Variants in PLCB1 observed in about 807,000 individuals in gnomAD.
PLCB1 encodes the protein phospholipase C beta 1.
In PLCB1, 46 loss-of-function variants were observed where a neutral mutation model predicts 161.8. That is an observed-to-expected ratio of 0.28 (90% CI 0.22 to 0.36). The LOEUF is 0.36. PLCB1 is among the 10% of genes least tolerant of loss of function. The probability of loss-of-function intolerance (pLI) is 1.00; values close to 1 mark genes in which losing one functional copy is unlikely to be tolerated. For missense variants in PLCB1, 1,016 were observed against 1,472.5 expected (o/e 0.69, Z 5.07); for synonymous variants, 517 against 503.7 (o/e 1.03, Z -0.35).
intron 26 of PLCB1, among the ~76,000 whole-genome samples, 194 bp from the exon 27 acceptor site, chr20:8,774,345 C>T (rs184329411): frequency 1.8e-3 from 267 of 152,328 alleles, no homozygotes; most frequent in Non-Finnish European, 2.7e-3. Context: ...ACCATGAATT[C>T]CATTCAGTCT....
intron 26 of PLCB1, among the ~76,000 whole-genome samples, chr20:8,773,036 C>T (rs769202879): frequency 2.6e-5 from 4 of 152,174 alleles, no homozygotes; most frequent in Non-Finnish European, 4.4e-5. Context: ...ATAGAATGTC[C>T]GTCCTCATTT....
intron 2 of PLCB1, among the ~76,000 whole-genome samples, chr20:8,334,745 A>G (rs1258273585): frequency 6.6e-6 from 1 of 152,154 alleles, no homozygotes; most frequent in East Asian, 1.9e-4. Context: ...AACAGGTCCA[A>G]ATTCTTTCTT....
At chr20:8,403,424 T>C (rs1371722784) in intron 3 of PLCB1, among the ~76,000 whole-genome samples, 1 of 152,112 alleles carries the variant, frequency 6.6e-6, no homozygotes, top group Non-Finnish European at 1.5e-5. Context: ...GTCCAAAGGC[T>C]GTAATACAAG....
At chr20:8,145,305 T>A (rs915174613) in intron 1 of PLCB1, among the ~76,000 whole-genome samples, 9 of 152,164 alleles carry the variant, frequency 5.9e-5, no homozygotes, top group African/African-American at 1.9e-4. Flanking sequence ...AGGACACCAG[T>A]CATACTGGAT....
chr20:8,789,464 A>G, intron 29 of PLCB1, 54 bp from the exon 30 acceptor site: 1 of 1,154,062 alleles, frequency 8.7e-7, no homozygotes, highest in Non-Finnish European at 1.3e-6. Context: ...TGAGATTACC[A>G]TTTGTCAATT....
intron 3 of PLCB1, among the ~76,000 whole-genome samples, chr20:8,390,842 C>T (rs1447658334): frequency 1.3e-5 from 2 of 151,950 alleles, no homozygotes; most frequent in Non-Finnish European, 2.9e-5. Context: ...ACACCAATAA[C>T]AAGCTGTATA....
Position 8,360,628 on chromosome 20 carries a change from G to A in PLCB1, c.178-10754G>A, listed in dbSNP as rs118039719. 4.9e-3 allele frequency among the ~76,000 whole-genome samples: 751 copies of A among 152,272 alleles called. 6 individuals are homozygous for A. The highest frequency in any genetic ancestry group is 0.011 in the South Asian group (52 of 4,826). On this transcript the variant is annotated intron_variant, in intron 2 of 31. Coordinates refer to ENST00000338037, the MANE Select transcript of PLCB1 (RefSeq NM_015192.4). ...TGTTCTTCTCAGGAAAATTCATTAA[G>A]CATGATGTTCCCTTTTAGACATATC... is the stretch of plus-strand genomic sequence containing the variant.
intron 2 of PLCB1, among the ~76,000 whole-genome samples, chr20:8,182,245 C>A (rs947519230): frequency 1.3e-5 from 2 of 152,164 alleles, no homozygotes; most frequent in African/African-American, 4.8e-5. Flanking sequence ...TATTCCCTTT[C>A]CTGTGGCATA....
chr20:8,723,162 G>C (rs1168944167), intron 15 of PLCB1, among the ~76,000 whole-genome samples: 2 of 152,136 alleles, frequency 1.3e-5, no homozygotes, highest in African/African-American at 4.8e-5. Context: ...CTTCCTCTTA[G>C]AATTATTTTT....
intron 19 of PLCB1, 35 bp from the exon 20 acceptor site, chr20:8,736,993 T>C (rs1158279681): frequency 1.3e-6 from 2 of 1,534,106 alleles, no homozygotes; most frequent in Admixed American, 1.7e-5. Context: ...CATATCAAAA[T>C]TCCTTATGGA....
At chr20:8,161,598 T>C in intron 2 of PLCB1, among the ~76,000 whole-genome samples, 1 of 152,158 alleles carries the variant, frequency 6.6e-6, no homozygotes, top group East Asian at 1.9e-4. Flanking sequence ...TTGGATTTGT[T>C]TGAAAAAGAA....
chr20:8,601,175 A>G (rs1206448560), intron 3 of PLCB1, among the ~76,000 whole-genome samples: 1 of 152,218 alleles, frequency 6.6e-6, no homozygotes, highest in Non-Finnish European at 1.5e-5. Flanking sequence ...AAGAGGCTAA[A>G]AATAACCTAA....
intron 3 of PLCB1, among the ~76,000 whole-genome samples, chr20:8,377,221 G>A (rs1367455129): frequency 6.6e-6 from 1 of 152,182 alleles, no homozygotes; most frequent in Non-Finnish European, 1.5e-5. Context: ...CAGAGCCATA[G>A]TGGGGAAAGG....
At chr20:8,500,413 C>T (rs1167442828) in intron 3 of PLCB1, among the ~76,000 whole-genome samples, 1 of 152,134 alleles carries the variant, frequency 6.6e-6, no homozygotes, top group Non-Finnish European at 1.5e-5. Flanking sequence ...CCAAATCTTG[C>T]CTCAAATGCT....
At chr20:8,464,939 T>A (rs1196838751) in intron 3 of PLCB1, among the ~76,000 whole-genome samples, 1 of 152,218 alleles carries the variant, frequency 6.6e-6, no homozygotes, top group African/African-American at 2.4e-5. Context: ...AATTACCATA[T>A]TTTTAATTCC....
chr20:8,609,296 A>G (rs560285444), intron 3 of PLCB1, among the ~76,000 whole-genome samples: 10 of 152,346 alleles, frequency 6.6e-5, no homozygotes, highest in African/African-American at 9.6e-5. Context: ...ACATTTCCCA[A>G]AAATACAAGA....
intron 3 of PLCB1, among the ~76,000 whole-genome samples, chr20:8,436,010 T>C (rs1471832019): frequency 6.6e-6 from 1 of 152,138 alleles, no homozygotes; most frequent in East Asian, 1.9e-4. Flanking sequence ...AATAACAGTG[T>C]GTTCTCTACT....
chr20:8,813,046 C>T (rs567834965), intron 31 of PLCB1, among the ~76,000 whole-genome samples: 1 of 152,270 alleles, frequency 6.6e-6, no homozygotes. Flanking sequence ...GAATTGGTCG[C>T]CTGGGAGGTT....
At chr20:8,614,733 T>C (rs1028104567) in intron 3 of PLCB1, among the ~76,000 whole-genome samples, 6 of 152,052 alleles carry the variant, frequency 3.9e-5, no homozygotes, top group Non-Finnish European at 7.4e-5. Flanking sequence ...TTAAAAATTG[T>C]GTTAGCCACA....
Sources: allele counts gnomAD v4.1 joint callset (sites outside exome capture counted in the v4.1 genomes callset), GRCh38; gene constraint gnomAD v4.1.1; transcripts MANE v1.5; gene names NCBI Gene and HGNC (gene_info 2026-07-23, HGNC 2026-07-21).